USP34: variants seen among roughly 807,000 people sequenced by gnomAD.
USP34 encodes the protein ubiquitin carboxyl-terminal hydrolase 34.
In USP34, 70 loss-of-function variants were observed where a neutral mutation model predicts 460.3. The ratio of observed to expected loss-of-function variants is 0.15; its 90% CI spans 0.13 to 0.19. The LOEUF (loss-of-function observed/expected upper bound fraction) is 0.19, where lower values mean the gene tolerates loss of function less well. Among genes scored for constraint, USP34 ranks in the 10% least tolerant of loss-of-function variants. USP34 has a pLI of 1.00. For synonymous variants in USP34, 1,647 were observed against 1,405.3 expected (o/e 1.17, Z -3.85); for missense variants, 3,985 against 4,236.2 (o/e 0.94, Z 1.65).
At chr2:61,213,444 A>C (rs1572840377) in intron 68 of USP34, among the ~76,000 whole-genome samples, 2 of 152,230 alleles carry the variant, frequency 1.3e-5, no homozygotes, top group East Asian at 3.8e-4. Flanking sequence ...AGTTTACAAC[A>C]GAGAATAAGA....
intron 6 of USP34, among the ~76,000 whole-genome samples, chr2:61,382,462 G>A (rs563399501): frequency 3.3e-5 from 5 of 152,040 alleles, no homozygotes; most frequent in East Asian, 1.9e-4. Context: ...GCTGACTCAC[G>A]TCCATCAGAT....
At chr2:61,281,655 T>G (rs1410660900) in intron 37 of USP34, among the ~76,000 whole-genome samples, 1 of 152,192 alleles carries the variant, frequency 6.6e-6, no homozygotes, top group Non-Finnish European at 1.5e-5. Flanking sequence ...CATATATATA[T>G]GTAAATTACA....
intron 3 of USP34, among the ~76,000 whole-genome samples, chr2:61,399,936 G>A (rs921448219): frequency 1.4e-5 from 2 of 144,700 alleles, no homozygotes; most frequent in Non-Finnish European, 3.0e-5. Context: ...TTAGGTAATC[G>A]CTGAGAAAGG....
At chr2:61,252,469 C>A (rs1286759139) in intron 48 of USP34, among the ~76,000 whole-genome samples, 2 of 152,096 alleles carry the variant, frequency 1.3e-5, no homozygotes, top group African/African-American at 2.4e-5. Context: ...ATTGCTAGTT[C>A]AAGTTCAATT....
intron 21 of USP34, among the ~76,000 whole-genome samples, chr2:61,321,384 T>C (rs1354074605): frequency 1.3e-5 from 2 of 152,110 alleles, no homozygotes; most frequent in South Asian, 2.1e-4. Context: ...GGCAAGAGAA[T>C]TGCTTGAACC....
chr2:61,380,067 A>C, intron 7 of USP34, 102 bp downstream of exon 7: 1 of 940,666 alleles, frequency 1.1e-6, no homozygotes, highest in South Asian at 2.1e-5. Flanking sequence ...TAAAATACTT[A>C]GCACAATGCC....
chr2:61,301,516 G>C, intron 27 of USP34, 62 bp from the exon 28 acceptor site: 1 of 1,428,318 alleles, frequency 7.0e-7, no homozygotes, highest in Non-Finnish European at 9.8e-7. Context: ...TTGCTGATAA[G>C]AATATGTAGT....
chr2:61,429,195 C>A (rs1694593844), intron 1 of USP34, among the ~76,000 whole-genome samples: 1 of 152,064 alleles, frequency 6.6e-6, no homozygotes, highest in Admixed American at 6.6e-5. Context: ...CGCCTGTAAT[C>A]CCAGCACTTT....
intron 27 of USP34, among the ~76,000 whole-genome samples, chr2:61,309,464 T>A (rs528843266): frequency 6.6e-6 from 1 of 152,278 alleles, no homozygotes; most frequent in South Asian, 2.1e-4. Context: ...ATTAGTAAGA[T>A]CAGTGTGACT....
Position 61,230,535 on chromosome 2 carries a change from C to T in USP34, c.7114-902G>A, listed in dbSNP as rs149000321. On this transcript the variant is annotated intron_variant, in intron 58 of 79. Transcript: ENST00000398571. ...TGAGACTCCAACTCAAAAACAACAC[C>T]AACCAACCAACCAAACAAAAAACAC... Among the ~76,000 whole-genome samples, 93 of 151,712 alleles carry T rather than the reference C, an allele frequency of 6.1e-4. 3 individuals carry two copies. In the East Asian group the frequency reaches 0.014, roughly 23 times the overall value.
At chr2:61,251,491 T>C (rs148134962) in intron 48 of USP34, among the ~76,000 whole-genome samples, 84 of 152,340 alleles carry the variant, frequency 5.5e-4, no homozygotes, top group African/African-American at 1.9e-3. Flanking sequence ...AGCCAAGATA[T>C]AACTACAAAC....
intron 48 of USP34, among the ~76,000 whole-genome samples, chr2:61,252,159 T>C (rs1688601721): frequency 6.6e-6 from 1 of 152,198 alleles, no homozygotes; most frequent in African/African-American, 2.4e-5. Flanking sequence ...GTTCAGAGTT[T>C]TCCTTTCTTC....
At chr2:61,239,494 T>A (rs1319104672) in intron 53 of USP34, among the ~76,000 whole-genome samples, 2 of 152,350 alleles carry the variant, frequency 1.3e-5, no homozygotes, top group Non-Finnish European at 2.9e-5. Context: ...TCTAGATTTG[T>A]CTAATATCTT....
intron 16 of USP34, among the ~76,000 whole-genome samples, chr2:61,340,373 G>A (rs1377920004): frequency 9.2e-5 from 14 of 152,118 alleles, no homozygotes; most frequent in Admixed American, 7.9e-4. Flanking sequence ...ATAAACATCT[G>A]TGTAACAAGT....
intron 15 of USP34, 94 bp downstream of exon 15, chr2:61,347,776 A>C: frequency 6.6e-7 from 1 of 1,519,186 alleles, no homozygotes; most frequent in Non-Finnish European, 8.8e-7. Context: ...ACTAATGAAT[A>C]GCACTAATAC....
chr2:61,232,847 T>TAC (rs2103836293), intron 57 of USP34, among the ~76,000 whole-genome samples: 1 of 118,376 alleles, frequency 8.4e-6, no homozygotes, highest in East Asian at 2.6e-4. Context: ...ATTAATTATA[T>TAC]ATATATATAT....
intron 1 of USP34, among the ~76,000 whole-genome samples, chr2:61,434,418 C>T (rs1694758060): frequency 6.6e-6 from 1 of 152,188 alleles, no homozygotes; most frequent in African/African-American, 2.4e-5. Flanking sequence ...TCCTGCCAGG[C>T]ACAACACCAA....
intron 2 of USP34, among the ~76,000 whole-genome samples, chr2:61,417,866 C>T (rs1237095911): frequency 1.3e-5 from 2 of 150,122 alleles, no homozygotes; most frequent in Non-Finnish European, 3.0e-5. Context: ...CTCAGGCTCC[C>T]GAGTAGCTGG....
chr2:61,343,930 T>C lies in USP34; in HGVS notation c.2385A>G (p.Glu795=). ...CTAGCTCCTCTTCACATCCAGATTCTTCACCATCAAAATCAGCCATATTTT... is the reference window on the plus strand; with the variant it reads ...CTAGCTCCTCTTCACATCCAGATTCCTCACCATCAAAATCAGCCATATTTT... ...SEKNMADFDG[E]ESGCEEELVQ... is the part of the protein sequence containing the mutation. The change falls in exon 16 of 80, where the codon GAA becomes GAG. Residue 795 remains glutamate, a synonymous_variant. Transcript: ENST00000398571. 6.2e-7 allele frequency: 1 copy of C among 1,613,974 alleles called. No homozygotes were observed. Among genetic ancestry groups the C allele is most frequent in the South Asian group, 1.1e-5 (1 of 91,078 alleles).
Sources: gnomAD v4.1 joint callset for allele counts (sites outside exome capture counted in the v4.1 genomes callset) on GRCh38, gnomAD v4.1.1 for gene constraint, MANE v1.5 for transcripts, NCBI Gene and HGNC (gene_info 2026-07-23, HGNC 2026-07-21) for gene names.